The following SLC4A3 variants were observed in gnomAD, a reference collection of about 807,000 sequenced individuals.
The protein encoded by SLC4A3 is anion exchange protein 3.
Under a neutral mutation model 114.2 loss-of-function variants are expected in SLC4A3, and 47 were observed. The ratio of observed to expected loss-of-function variants is 0.41; its 90% confidence interval spans 0.33 to 0.52. The LOEUF is 0.52. Ranked by LOEUF, SLC4A3 falls within the 20% of genes least tolerant of loss-of-function variation. The pLI is 0.21. For synonymous variants in SLC4A3, 693 were observed against 710.3 expected (o/e 0.98, Z 0.39); for missense variants, 1,312 against 1,668.3 (o/e 0.79, Z 3.72).
At position 219,628,641 on chromosome 2, in the gene SLC4A3, T is replaced by C; in HGVS notation, c.217+71T>C. The C allele has an allele frequency of 6.7e-7, 1 of 1,503,058 alleles. No homozygotes were observed. Among genetic ancestry groups the C allele is most frequent in the Non-Finnish European group, 9.1e-7 (1 of 1,093,268 alleles). 93.1% of individuals were successfully genotyped at this position (1,503,058 alleles called of 1,614,324 possible). A position where few individuals can be genotyped will look rare whatever the true frequency, so the allele number is the denominator to read the frequency against. On this transcript the variant is annotated intron_variant, in intron 3 of 22. Coordinates refer to ENST00000358055, the MANE Select transcript of SLC4A3 (RefSeq NM_005070.4). The surrounding 1 kb of genome is among the most constrained non-coding windows in gnomAD (Gnocchi z 4.8). ...ACCTTCATCGCCACCATCACCGCGC[T>C]CACCTCCGGCTTGGTCACCCAGTGC... is the stretch of plus-strand genomic sequence containing the variant.
chr2:219,629,270 C>A lies in SLC4A3; in HGVS notation c.344C>A (p.Thr115Asn). 3.1e-6 allele frequency: 5 copies of A among 1,613,964 alleles called. No individual in the cohort carries two copies. The highest frequency in any genetic ancestry group is 4.2e-6 in the Non-Finnish European group (5 of 1,179,966). The change falls in exon 4 of 23, where the codon ACC (threonine) becomes AAC (asparagine). Residue 115 changes from threonine (T) to asparagine (N), a missense_variant. This residue lies in a region of SLC4A3 where 236 missense variants were observed against 212.1 expected (regional missense o/e 1.11). Transcript: ENST00000358055. ...AGGAGAAAGAGGAAGAAGGAGAAAA[C>A]CTCTGCTCCTCCCTCCGAGGGGACC... ...HTRRKRKKEKTSAPPSEGTPP... is the reference protein window; with the variant it reads ...HTRRKRKKEKNSAPPSEGTPP...
At chr2:219,635,967 G>A (rs1048069733) in intron 14 of SLC4A3, 76 bp downstream of exon 14, 2 of 1,232,598 alleles carry the variant, frequency 1.6e-6, no homozygotes, top group Non-Finnish European at 2.2e-6. Flanking sequence ...CAGGATTCTG[G>A]GTCTGGGTGT....
In SLC4A3 at chr2:219,638,107, T is replaced by A. The variant is rs926683507; in HGVS notation, c.2767-57T>A. On this transcript the variant is annotated intron_variant, in intron 17 of 22. Transcript: ENST00000358055. This position sits in a 1 kb window ranked among gnomAD's most constrained non-coding sequence, Gnocchi z 7.5. ...GGGCCAGAGATGGCAAGCCCCGTGT[T>A]AGTCTGCTGACCTTGCCTCCACCTT... The A allele has an allele frequency of 8.7e-6, 12 of 1,377,492 alleles. No homozygotes were observed. In the African/African-American group the frequency reaches 1.7e-4, roughly 20 times the overall value. 85.3% of individuals were successfully genotyped at this position (1,377,492 alleles called of 1,614,324 possible). A position where few individuals can be genotyped will look rare whatever the true frequency, so the allele number is the denominator to read the frequency against.
In SLC4A3 at chr2:219,640,797, G is replaced by A. The variant is rs374261550; in HGVS notation, c.3456G>A (p.Thr1152=). The change falls in exon 22 of 23, where the codon ACG becomes ACA. Residue 1152 remains threonine, a synonymous_variant. Transcript: ENST00000358055. ...ACTGGCTGCTCCCCTAGGTGAAGAC[G>A]TGGCGGATGCATCTGTTCACCTGCA... ...PEQPYVTKVK[T]WRMHLFTCIQ... 8.3e-5 allele frequency: 133 copies of A among 1,610,980 alleles called. No homozygotes were observed. The highest frequency in any genetic ancestry group is 1.0e-4 in the Non-Finnish European group (122 of 1,179,170).
rs1362069636 is a variant in SLC4A3, at chr2:219,639,703, G to A, written c.3245G>A (p.Arg1082Gln). The part of the protein sequence containing the change: ...KPQIQEVREQ[R>Q]VTGVLIASLV... ...CAGATCCAGGAGGTGCGGGAGCAGC[G>A]GGTCACTGGTGTGCTCATCGCCAGC... Residue 1082 changes from arginine (R) to glutamine (Q), a missense_variant, in exon 20 of 23, where the codon CGG becomes CAG. By Grantham distance (43) the Arg-to-Gln change is conservative. Around this residue, in one of 4 missense-constraint regions of SLC4A3, gnomAD observed 301 missense variants for 460.7 expected, o/e 0.65. Transcript: ENST00000358055. This position sits in a 1 kb window ranked among gnomAD's most constrained non-coding sequence, Gnocchi z 5.9. 1.2e-6 allele frequency: 2 copies of A among 1,610,702 alleles called. No homozygotes were observed. Among genetic ancestry groups the A allele is most frequent in the East Asian group, 2.2e-5 (1 of 44,874 alleles).
In SLC4A3 at chr2:219,628,476, C is replaced by G; in HGVS notation, c.123C>G (p.Thr41=). Reference sequence around the variant, plus strand: ...AGGAGGACGATGACTTGGGCAAGACCTTGGCTGTGAGCAGGTTTGGGGACC... The same window carrying G: ...AGGAGGACGATGACTTGGGCAAGACGTTGGCTGTGAGCAGGTTTGGGGACC... The part of the protein sequence containing the change: ...VEEEDDDLGK[T]LAVSRFGDLI... The change falls in exon 3 of 23, where the codon ACC becomes ACG. Residue 41 remains threonine, a synonymous_variant. Transcript: ENST00000358055. The surrounding 1 kb of genome is among the most constrained non-coding windows in gnomAD (Gnocchi z 4.8). The G allele has an allele frequency of 1.2e-6, 2 of 1,613,860 alleles. No homozygotes were observed. Among genetic ancestry groups the G allele is most frequent in the South Asian group, 2.2e-5 (2 of 91,048 alleles).
chr2:219,628,064 C>CGGGGGAGAGAT lies in SLC4A3; in HGVS notation c.51+29_51+39dup, dbSNP rs748908267. On this transcript the variant is annotated intron_variant, in intron 2 of 22. Coordinates refer to ENST00000358055, the MANE Select transcript of SLC4A3 (RefSeq NM_005070.4). This position sits in a 1 kb window ranked among gnomAD's most constrained non-coding sequence, Gnocchi z 4.8. ...CCCAGGTGATCGGCGCGCGCGGGGG[C>CGGGGGAGAGAT]GGGGGAGAGATGGGGGAGGAGAGGG... The CGGGGGAGAGAT allele has an allele frequency of 1.2e-5, 18 of 1,526,382 alleles. No homozygotes were observed. In the East Asian group the frequency reaches 4.2e-4, roughly 36 times the overall value. The allele number at this position is 1,526,382 out of a possible 1,614,324, so 94.6% of individuals were successfully genotyped here.
chr2:219,631,505 G>T lies in SLC4A3; in HGVS notation c.812-463G>T. On this transcript the variant is annotated intron_variant, in intron 6 of 22. Coordinates refer to ENST00000358055, the MANE Select transcript of SLC4A3 (RefSeq NM_005070.4). The surrounding 1 kb of genome is among the most constrained non-coding windows in gnomAD (Gnocchi z 6.3). ...TCCCCGACTGCTGCTGGCCTGGGTGGGGCAGACAGGAGGAAGGGAGCGAAG... is the reference window on the plus strand; with the variant it reads ...TCCCCGACTGCTGCTGGCCTGGGTGTGGCAGACAGGAGGAAGGGAGCGAAG... The T allele has an allele frequency of 7.8e-7, 1 of 1,287,364 alleles. No homozygotes were observed. The highest frequency in any genetic ancestry group is 1.0e-6 in the Non-Finnish European group (1 of 977,890). The allele number at this position is 1,287,364 out of a possible 1,614,324, so 79.7% of individuals were successfully genotyped here.
Position 219,641,228 on chromosome 2 carries a change from GCA to G in SLC4A3, c.3621+271_3621+272del, listed in dbSNP as rs1699316319. On this transcript the variant is annotated intron_variant, in intron 22 of 22. Coordinates refer to ENST00000358055, the MANE Select transcript of SLC4A3 (RefSeq NM_005070.4). The surrounding 1 kb of genome is among the most constrained non-coding windows in gnomAD (Gnocchi z 4.0). ...GTAAGGGAGTTGGCACGGGGCTGCT[GCA>G]CACAGCTGTGCAGGTGGTGCCTGAC... is the stretch of plus-strand genomic sequence containing the variant. Among the ~76,000 whole-genome samples the G allele has an allele frequency of 6.6e-6, 1 of 152,200 alleles. No homozygotes were observed. The highest frequency in any genetic ancestry group is 6.5e-5 in the Admixed American group (1 of 15,282).
Position 219,628,591 on chromosome 2 carries a change from TA to T in SLC4A3, c.217+22del, listed in dbSNP as rs778568848. The T allele has an allele frequency of 6.2e-7, 1 of 1,608,550 alleles. No individual in the cohort carries two copies. Among genetic ancestry groups the T allele is most frequent in the Admixed American group, 1.7e-5 (1 of 58,698 alleles). On this transcript the variant is annotated intron_variant, in intron 3 of 22. Transcript: ENST00000358055. This position sits in a 1 kb window ranked among gnomAD's most constrained non-coding sequence, Gnocchi z 4.8. ...TGAGTGTGGGTAGCCTGGGGACCCC[TA>T]GTGCGGCCGCCCTCGCCACCATCAC...
rs1285343014 is a variant in SLC4A3, at chr2:219,634,367, C to T, written c.1562-53C>T. 11 of 1,585,534 alleles carry T rather than the reference C, an allele frequency of 6.9e-6. 1 individual carries two copies. The highest frequency in any genetic ancestry group is 9.5e-6 in the Non-Finnish European group (11 of 1,158,800). ...TAGCCCTAGATAGCTGCCCCAGGGC[C>T]TGCCTTGACTGCTTCTCTTTGCCCA... On this transcript the variant is annotated intron_variant, in intron 11 of 22. Transcript: ENST00000358055.
rs746246183 is a variant in SLC4A3 at position 219,633,912 on chromosome 2, C to T, written c.1494C>T (p.His498=). ...TCCACATGCCTGGGGGAGATGGTCA[C>T]CGGGGGAAAAGCCTGAAGCTGCTGG... ...KPLHMPGGDG[H]RGKSLKLLEK... is the part of the protein sequence containing the mutation. Residue 498 remains histidine (H), a synonymous_variant, in exon 11 of 23, where the codon CAC becomes CAT. Transcript: ENST00000358055. 6.4e-7 allele frequency: 1 copy of T among 1,561,000 alleles called. No individual in the cohort carries two copies.
intron 4 of SLC4A3, 74 bp downstream of exon 4, chr2:219,629,495 G>A (rs753581372): frequency 3.6e-5 from 57 of 1,593,422 alleles, no homozygotes; most frequent in Non-Finnish European, 4.7e-5. Flanking sequence ...AGGAGTGCGT[G>A]TTGGGGGCCT....
chr2:219,640,227 C>A (rs1699275555), intron 20 of SLC4A3, among the ~76,000 whole-genome samples: 1 of 70,468 alleles, frequency 1.4e-5, no homozygotes, highest in Non-Finnish European at 2.6e-5. Flanking sequence ...ATGTGTCTGC[C>A]CCCCCCCCCG....
At position 219,641,080 on chromosome 2, in the gene SLC4A3, G is replaced by C. The variant is rs951077344; in HGVS notation, c.3621+118G>C. ...GAAACTTGTGTAACTTGTGTTGCAA[G>C]TTATCTCACCTTCCGAAATCTTATT... On this transcript the variant is annotated intron_variant, in intron 22 of 22. Coordinates refer to ENST00000358055, the MANE Select transcript of SLC4A3 (RefSeq NM_005070.4). This position sits in a 1 kb window ranked among gnomAD's most constrained non-coding sequence, Gnocchi z 4.0. The C allele has an allele frequency of 1.4e-5, 13 of 956,798 alleles. No individual in the cohort carries two copies. Among genetic ancestry groups the C allele is most frequent in the African/African-American group, 1.6e-5 (1 of 61,386 alleles). 59.3% of individuals were successfully genotyped at this position (956,798 alleles called of 1,614,324 possible).
chr2:219,627,815 A>AG (rs1324833143), intron 1 of SLC4A3, 70 bp downstream of exon 1: 1 of 495,542 alleles, frequency 2.0e-6, no homozygotes, highest in Non-Finnish European at 3.5e-6. Flanking sequence ...TGGGCCTCGG[A>AG]GGGGCGCTTG....
At position 219,629,186 on chromosome 2, in the gene SLC4A3, C is replaced by G. The variant is rs1381299301; in HGVS notation, c.260C>G (p.Ala87Gly). The change falls in exon 4 of 23, where the codon GCG (alanine) becomes GGG (glycine). Residue 87 changes from alanine (A) to glycine (G), a missense_variant. By Grantham distance (60) the Ala-to-Gly change is moderately conservative. Around this residue, in one of 4 missense-constraint regions of SLC4A3, gnomAD observed 236 missense variants for 212.1 expected, o/e 1.11. Transcript: ENST00000358055. ...TSHHTHHPLSARLPPPHKLRR... is the reference protein window; with the variant it reads ...TSHHTHHPLSGRLPPPHKLRR... ...CACCACACCCACCACCCGCTCTCAGCGCGCCTGCCTCCACCCCACAAGCTG... is the reference window on the plus strand; with the variant it reads ...CACCACACCCACCACCCGCTCTCAGGGCGCCTGCCTCCACCCCACAAGCTG... 1 of 1,609,550 alleles carries G rather than the reference C, an allele frequency of 6.2e-7. No individual in the cohort carries two copies. Among genetic ancestry groups the G allele is most frequent in the South Asian group, 1.1e-5 (1 of 90,574 alleles).
rs768613077 is a variant in SLC4A3, at chr2:219,632,435, C to T, written c.1134C>T (p.Ile378=). Residue 378 remains isoleucine, a synonymous_variant, in exon 8 of 23, where the codon ATC becomes ATT. Transcript: ENST00000358055. ...FRSLLELRRT[I]AHGAALLDLE... ...GCCTTCTGGAGCTCAGGAGGACCAT[C>T]GCCCATGGTAGGGACCCCCAGGCCT... 2.8e-5 allele frequency: 45 copies of T among 1,592,086 alleles called. No individual in the cohort carries two copies. The highest frequency in any genetic ancestry group is 6.7e-5 in the East Asian group (3 of 44,816).
At position 219,632,367 on chromosome 2, in the gene SLC4A3, G is replaced by A. The variant is rs753042417; in HGVS notation, c.1066G>A (p.Glu356Lys). 5 of 1,613,892 alleles carry A rather than the reference G, an allele frequency of 3.1e-6. No homozygotes were observed. The African/African-American group carries it at 5.3e-5, about 17-fold the overall frequency. ...KFEEDVEEETERWGKPHVASL... is the reference protein window; with the variant it reads ...KFEEDVEEETKRWGKPHVASL... ...TGAGGAGGACGTGGAGGAGGAGACG[G>A]AGCGCTGGGGGAAGCCCCATGTTGC... is the stretch of plus-strand genomic sequence containing the variant. Residue 356 changes from glutamate to lysine, a missense_variant, in exon 8 of 23, where the codon GAG (glutamate) becomes AAG (lysine). Physicochemically the swap from Glu to Lys is moderately conservative, Grantham distance 56. Coordinates refer to ENST00000358055, the MANE Select transcript of SLC4A3 (RefSeq NM_005070.4).
Sources: allele counts gnomAD v4.1 joint callset (sites outside exome capture counted in the v4.1 genomes callset), GRCh38; gene constraint gnomAD v4.1.1; regional missense constraint gnomAD v4.1.1; non-coding constraint Gnocchi (gnomAD v3.1); transcripts MANE v1.5; gene names NCBI Gene and HGNC (gene_info 2026-07-23, HGNC 2026-07-21).